The following KCNIP4 variants were observed in gnomAD, a reference collection of about 807,000 sequenced individuals.
The protein encoded by KCNIP4 is Kv channel-interacting protein 4.
Under a neutral mutation model 34.0 loss-of-function variants are expected in KCNIP4, and 12 were observed. That is an observed-to-expected ratio of 0.35 (90% CI 0.23 to 0.57). KCNIP4 has a LOEUF of 0.57. Ranked by LOEUF, KCNIP4 falls within the 20% of genes least tolerant of loss-of-function variation. The pLI is 0.83. For synonymous variants in KCNIP4, 124 were observed against 102.2 expected, an observed-to-expected ratio of 1.21 and a Z score of -1.29; for missense variants, 238 against 311.7, an observed-to-expected ratio of 0.76 and a Z score of 1.78.
chr4:21,668,080 AG>A (rs1194873190), intron 1 of KCNIP4, among the ~76,000 whole-genome samples: 10 of 152,238 alleles, frequency 6.6e-5, no homozygotes, highest in African/African-American at 2.4e-4. Context: ...TGTCCTTTGC[AG>A]GGACACGGAT....
intron 1 of KCNIP4, among the ~76,000 whole-genome samples, chr4:21,865,234 T>C (rs182995059): frequency 6.6e-6 from 1 of 150,802 alleles, no homozygotes; most frequent in African/African-American, 2.4e-5. Context: ...TAGATCCCCA[T>C]AGGAAGCAAA....
chr4:20,910,283 A>ATG (rs35143714), intron 1 of KCNIP4, among the ~76,000 whole-genome samples: 7,788 of 149,770 alleles, frequency 0.052, 244 homozygotes, highest in African/African-American at 0.091. Context: ...GTGTGTCTGT[A>ATG]TGTGTGTGTG....
At chr4:21,097,382 C>T (rs11736507) in intron 1 of KCNIP4, among the ~76,000 whole-genome samples, 21,239 of 151,998 alleles carry the variant, frequency 0.14, 1,720 homozygotes, top group East Asian at 0.23. Flanking sequence ...TATTTTGTTT[C>T]ATTTTATTGT....
At chr4:21,500,833 G>A (rs1293411715) in intron 1 of KCNIP4, among the ~76,000 whole-genome samples, 2 of 152,214 alleles carry the variant, frequency 1.3e-5, no homozygotes, top group African/African-American at 2.4e-5. Context: ...ACTATGGGAA[G>A]TTAAAAATTA....
intron 3 of KCNIP4, among the ~76,000 whole-genome samples, chr4:20,764,858 G>GTTTTT (rs1755259030): frequency 6.6e-6 from 1 of 152,170 alleles, no homozygotes; most frequent in African/African-American, 2.4e-5. Flanking sequence ...CGCTGTGATG[G>GTTTTT]CACTCAGCCG....
intron 1 of KCNIP4, among the ~76,000 whole-genome samples, chr4:21,196,025 C>T (rs947324700): frequency 5.3e-5 from 8 of 152,184 alleles, no homozygotes; most frequent in African/African-American, 1.9e-4. Context: ...TTGATCTCTT[C>T]CTGCTCATTT....
At position 21,498,192 on chromosome 4, in the gene KCNIP4, T is replaced by C. The variant is rs1490969586; in HGVS notation, c.61+450379A>G. Among the ~76,000 whole-genome samples, 5 of 152,222 alleles carry C rather than the reference T, an allele frequency of 3.3e-5. No individual in the cohort carries two copies. The East Asian group carries it at 7.7e-4, about 23-fold the overall frequency. ...AGATTCTCAAATCTGCAACTGAGCA[T>C]ATAGAAAACTAATACGAAAGAATAT... On this transcript the variant is annotated intron_variant, in intron 1 of 8. Transcript: ENST00000382152.
intron 1 of KCNIP4, among the ~76,000 whole-genome samples, chr4:21,087,988 G>T (rs1457925693): frequency 6.6e-6 from 1 of 151,910 alleles, no homozygotes; most frequent in African/African-American, 2.4e-5. Context: ...GGCTTCATTG[G>T]TCATGCCACA....
At chr4:21,582,993 G>A (rs527423086) in intron 1 of KCNIP4, among the ~76,000 whole-genome samples, 60 of 151,444 alleles carry the variant, frequency 4.0e-4, no homozygotes, top group African/African-American at 1.3e-3. Context: ...CTCATAAATC[G>A]GGCCTTTAAC....
rs571710602 is a variant in KCNIP4, at chr4:21,451,095, G to C, written c.61+497476C>G. On this transcript the variant is annotated intron_variant, in intron 1 of 8. Coordinates refer to ENST00000382152, the MANE Select transcript of KCNIP4 (RefSeq NM_025221.6). ...TACATTGAGAACAACAAAAAAATTG[G>C]GGTAATGGAAATTCAATGTCCTAGT... 3.9e-5 allele frequency among the ~76,000 whole-genome samples: 6 copies of C among 152,174 alleles called. 1 individual carries two copies. In the South Asian group the frequency reaches 1.2e-3, roughly 32 times the overall value.
rs552395370 is a variant in KCNIP4, at chr4:21,801,386, T to C, written c.61+147185A>G. 2.6e-4 allele frequency among the ~76,000 whole-genome samples: 40 copies of C among 152,224 alleles called. 1 individual carries two copies. Among genetic ancestry groups the C allele is most frequent in the African/African-American group, 7.7e-4 (32 of 41,534 alleles). ...TCTAGTTGCCAAAAGAGTGGCTTTG[T>C]TCCTGGCAAGAGAAAGAAGGGAAAG... On this transcript the variant is annotated intron_variant, in intron 1 of 8. Transcript: ENST00000382152.
intron 1 of KCNIP4, among the ~76,000 whole-genome samples, chr4:21,082,583 GC>G (rs1345628787): frequency 6.6e-6 from 1 of 151,602 alleles, no homozygotes; most frequent in Non-Finnish European, 1.5e-5. Flanking sequence ...TCTATTGGAT[GC>G]CACTGAAATT....
At chr4:21,754,792 T>C (rs1717393112) in intron 1 of KCNIP4, among the ~76,000 whole-genome samples, 1 of 152,178 alleles carries the variant, frequency 6.6e-6, no homozygotes, top group African/African-American at 2.4e-5. Flanking sequence ...ACAAACGTAA[T>C]TCTGAAAAAC....
chr4:21,717,263 C>T lies in KCNIP4; in HGVS notation c.61+231308G>A, dbSNP rs114435741. 9.0e-3 allele frequency among the ~76,000 whole-genome samples: 1,366 copies of T among 152,182 alleles called. 23 individuals are homozygous for T. Among genetic ancestry groups the T allele is most frequent in the African/African-American group, 0.031 (1,302 of 41,496 alleles). On this transcript the variant is annotated intron_variant, in intron 1 of 8. Transcript: ENST00000382152. ...CTAATGTCCCCTAGGGGTAATATCA[C>T]CCTGGATAGAGAACCACTCTACTAA...
At chr4:21,790,949 T>G (rs536758121) in intron 1 of KCNIP4, among the ~76,000 whole-genome samples, 1 of 136,416 alleles carries the variant, frequency 7.3e-6, no homozygotes, top group South Asian at 2.4e-4. Flanking sequence ...TGTGGCTCCT[T>G]TATTTGCCTG....
intron 1 of KCNIP4, among the ~76,000 whole-genome samples, chr4:21,067,304 T>A (rs1744484274): frequency 6.6e-6 from 1 of 152,052 alleles, no homozygotes; most frequent in African/African-American, 2.4e-5. Context: ...TGTGCTGACT[T>A]CAGGTGAGAC....
At chr4:21,795,286 G>T (rs1193341840) in intron 1 of KCNIP4, among the ~76,000 whole-genome samples, 3 of 152,162 alleles carry the variant, frequency 2.0e-5, no homozygotes, top group African/African-American at 4.8e-5. Flanking sequence ...AAAAAGCAAG[G>T]CCTCAGAAGA....
chr4:21,380,540 C>A (rs1480113973), intron 1 of KCNIP4, among the ~76,000 whole-genome samples: 1 of 151,566 alleles, frequency 6.6e-6, no homozygotes, highest in Admixed American at 6.6e-5. Flanking sequence ...AAGTATAGAT[C>A]ACTCTTAATT....
At chr4:21,266,615 CT>C (rs1361693312) in intron 1 of KCNIP4, among the ~76,000 whole-genome samples, 1 of 152,178 alleles carries the variant, frequency 6.6e-6, no homozygotes, top group East Asian at 1.9e-4. Flanking sequence ...TTGACCTAGG[CT>C]AAAGTGCATG....
Sources: gnomAD v4.1 joint callset for allele counts (sites outside exome capture counted in the v4.1 genomes callset) on GRCh38, gnomAD v4.1.1 for gene constraint, MANE v1.5 for transcripts, NCBI Gene and HGNC (gene_info 2026-07-23, HGNC 2026-07-21) for gene names.